TENM2: variants seen among roughly 807,000 people sequenced by gnomAD.
TENM2 encodes the protein teneurin-2.
Under a neutral mutation model 245.2 loss-of-function variants are expected in TENM2, and 52 were observed. The ratio of observed to expected loss-of-function variants is 0.21; its 90% CI spans 0.17 to 0.27. The LOEUF is 0.27. TENM2 is among the 10% of genes least tolerant of loss of function. The pLI is 1.00. For missense variants in TENM2, 3,046 were observed against 3,666.8 expected, an observed-to-expected ratio of 0.83 and a Z score of 4.37; for synonymous variants, 1,363 against 1,438.9, an observed-to-expected ratio of 0.95 and a Z score of 1.19.
the TENM2 span, among the ~76,000 whole-genome samples, chr5:167,140,820 G>A: frequency 1.3e-5 from 2 of 151,870 alleles, no homozygotes; most frequent in Admixed American, 1.3e-4. Context: ...CAGGCAATGG[G>A]GAATTCTCAT....
chr5:167,044,029 T>A, the TENM2 span, among the ~76,000 whole-genome samples: 6 of 141,618 alleles, frequency 4.2e-5, no homozygotes, highest in Non-Finnish European at 9.2e-5. Flanking sequence ...AAATAAATAG[T>A]AAGGACAGAA....
chr5:167,947,483 G>C (rs952495369), intron 3 of TENM2, among the ~76,000 whole-genome samples: 2 of 152,084 alleles, frequency 1.3e-5, no homozygotes, highest in Admixed American at 6.5e-5. Flanking sequence ...GGCCAAGCAG[G>C]GATTCAAGCC....
At chr5:167,481,533 C>T (rs1413116660) in intron 2 of TENM2, among the ~76,000 whole-genome samples, 1 of 152,106 alleles carries the variant, frequency 6.6e-6, no homozygotes, top group South Asian at 2.1e-4. Context: ...CAACAGAGAC[C>T]ATGTGTGACG....
At position 168,104,746 on chromosome 5, in the gene TENM2, G is replaced by A. The variant is rs144413831; in HGVS notation, c.1813+6619G>A. On this transcript the variant is annotated intron_variant, in intron 9 of 28. Coordinates refer to ENST00000518659, the Ensembl canonical transcript of TENM2. ...ATGCGTTTGCAAGAGCGTTTATTCC[G>A]CAGCCCTCACAATCTCGGGGGCCCT... Among the ~76,000 whole-genome samples the A allele has an allele frequency of 8.7e-3, 1,321 of 152,094 alleles. 15 individuals carry two copies. Among genetic ancestry groups the A allele is most frequent in the African/African-American group, 0.03 (1,253 of 41,484 alleles).
chr5:168,146,650 C>T (rs1365671975), intron 12 of TENM2, among the ~76,000 whole-genome samples: 1 of 152,178 alleles, frequency 6.6e-6, no homozygotes, highest in Non-Finnish European at 1.5e-5. Context: ...ACGGCCGGTC[C>T]CATTGCTAAG....
intron 2 of TENM2, among the ~76,000 whole-genome samples, chr5:167,865,736 G>A (rs1393686293): frequency 3.3e-5 from 5 of 152,176 alleles, no homozygotes; most frequent in Non-Finnish European, 5.9e-5. Context: ...AGCACCAAGT[G>A]AAGTAGTGGC....
At chr5:167,924,040 CAA>C (rs1777565909) in intron 3 of TENM2, among the ~76,000 whole-genome samples, 1 of 152,186 alleles carries the variant, frequency 6.6e-6, no homozygotes, top group African/African-American at 2.4e-5. Context: ...TCAGTGCTGA[CAA>C]AGAGTGTCCA....
In TENM2 at chr5:167,909,670, CAA is replaced by C. The variant is rs1197583968; in HGVS notation, c.712+33477_712+33478del. On this transcript the variant is annotated intron_variant, in intron 3 of 28. Coordinates refer to ENST00000518659, the Ensembl canonical transcript of TENM2. ...AATCTCATTTTTAAGTAAAAACAGA[CAA>C]AGAGTTAGGATTTGAACCCAAAGTT... 3.3e-5 allele frequency among the ~76,000 whole-genome samples: 5 copies of C among 152,096 alleles called. No homozygotes were observed. In the South Asian group the frequency reaches 1.0e-3, roughly 32 times the overall value.
At chr5:167,993,020 G>A in exon 5 of TENM2, 1 of 1,613,938 alleles carries the variant, frequency 6.2e-7, no homozygotes, top group Non-Finnish European at 8.5e-7. Context: ...TTTGACCTCA[G>A]GAACGGTTTA....
intron 2 of TENM2, among the ~76,000 whole-genome samples, chr5:167,525,777 G>T (rs986920784): frequency 2.6e-5 from 4 of 152,078 alleles, no homozygotes; most frequent in African/African-American, 4.8e-5. Context: ...TTTCTAGCAG[G>T]TTATAACCCT....
chr5:167,854,908 T>A lies in TENM2; in HGVS notation c.503-21078T>A, dbSNP rs1770927156. The stretch of plus-strand genomic sequence containing the variant: ...ACCCTCATCCAAGACTCACCCCCAC[T>A]CATCCCTGACCTGGATGGATTATTC... On this transcript the variant is annotated intron_variant, in intron 2 of 28. Transcript: ENST00000518659. Among the ~76,000 whole-genome samples the A allele has an allele frequency of 2.6e-5, 4 of 152,264 alleles. No homozygotes were observed. The South Asian group carries it at 8.3e-4, about 32-fold the overall frequency.
At chr5:167,205,025 T>A in the TENM2 span, among the ~76,000 whole-genome samples, 9 of 152,194 alleles carry the variant, frequency 5.9e-5, no homozygotes, top group African/African-American at 1.2e-4. Context: ...TTTAGTGTGA[T>A]CATTAAAGGA....
At chr5:167,896,371 T>C (rs1775221549) in intron 3 of TENM2, among the ~76,000 whole-genome samples, 1 of 152,182 alleles carries the variant, frequency 6.6e-6, no homozygotes, top group Non-Finnish European at 1.5e-5. Flanking sequence ...AATGACTGGA[T>C]TGAGGCTGGA....
At chr5:167,336,820 T>TA (rs199669707) in intron 1 of TENM2, among the ~76,000 whole-genome samples, 3,518 of 144,810 alleles carry the variant, frequency 0.024, 115 homozygotes, top group African/African-American at 0.075. Flanking sequence ...TGCAAATATT[T>TA]AAAAAAAAAA....
At chr5:167,031,250 G>A in the TENM2 span, among the ~76,000 whole-genome samples, 1 of 152,184 alleles carries the variant, frequency 6.6e-6, no homozygotes. Context: ...GTGCCAGAGG[G>A]TATTTGTTTT....
At chr5:167,553,175 A>C (rs901566816) in intron 2 of TENM2, among the ~76,000 whole-genome samples, 4 of 152,212 alleles carry the variant, frequency 2.6e-5, no homozygotes, top group African/African-American at 9.6e-5. Context: ...CTAAAGGATG[A>C]AGAATAGTGA....
At chr5:167,301,454 G>T (rs1755323019) in intron 1 of TENM2, among the ~76,000 whole-genome samples, 1 of 152,210 alleles carries the variant, frequency 6.6e-6, no homozygotes, top group African/African-American at 2.4e-5. Flanking sequence ...TTGTCTCACA[G>T]TGGAGGCAAG....
chr5:167,121,432 G>C, the TENM2 span, among the ~76,000 whole-genome samples: 1 of 152,230 alleles, frequency 6.6e-6, no homozygotes, highest in Non-Finnish European at 1.5e-5. Flanking sequence ...GCACCAGGCT[G>C]TGTGAGTGGC....
intron 17 of TENM2, 65 bp from the exon 20 acceptor site, chr5:168,203,624 G>A (rs1366084517): frequency 1.4e-6 from 2 of 1,475,362 alleles, no homozygotes; most frequent in African/African-American, 2.8e-5. Flanking sequence ...TTGCTACAGA[G>A]CTCTGGAGTA....
Sources: gnomAD v4.1 joint callset for allele counts (sites outside exome capture counted in the v4.1 genomes callset) on GRCh38, gnomAD v4.1.1 for gene constraint, MANE v1.5 for transcripts, NCBI Gene and HGNC (gene_info 2026-07-23, HGNC 2026-07-21) for gene names.